Variants in SLC22A23 observed in about 807,000 individuals in gnomAD.
SLC22A23 encodes the protein ion transporter protein.
SLC22A23 carries 26 observed loss-of-function variants against 61.0 expected under a neutral mutation model. The ratio of observed to expected loss-of-function variants is 0.43; its 90% CI spans 0.31 to 0.59. The LOEUF is 0.59. Among genes scored for constraint, SLC22A23 ranks in the 20% least tolerant of loss-of-function variants. SLC22A23 has a pLI of 0.11. For missense variants in SLC22A23, 796 were observed against 934.7 expected, an observed-to-expected ratio of 0.85 and a Z score of 1.94; for synonymous variants, 430 against 413.9, an observed-to-expected ratio of 1.04 and a Z score of -0.47.
chr6:3,451,814 T>C (rs1402681733), intron 1 of SLC22A23, among the ~76,000 whole-genome samples: 2 of 152,194 alleles, frequency 1.3e-5, no homozygotes, highest in East Asian at 3.8e-4. Flanking sequence ...TGAACACAGA[T>C]GGTCCCCGGC....
At chr6:3,370,587 T>C (rs960828495) in intron 3 of SLC22A23, among the ~76,000 whole-genome samples, 1 of 152,266 alleles carries the variant, frequency 6.6e-6, no homozygotes, top group African/African-American at 2.4e-5. Context: ...TGGGAGCTCC[T>C]GGCTCCCCTC....
At chr6:3,393,453 G>A (rs1056754666) in intron 3 of SLC22A23, among the ~76,000 whole-genome samples, 5 of 152,182 alleles carry the variant, frequency 3.3e-5, no homozygotes, top group African/African-American at 9.7e-5. Flanking sequence ...AATAGCACAC[G>A]TGCCTAGTGC....
intron 4 of SLC22A23, among the ~76,000 whole-genome samples, chr6:3,316,075 G>C (rs1004156351): frequency 6.6e-6 from 1 of 152,166 alleles, no homozygotes; most frequent in Admixed American, 6.5e-5. Flanking sequence ...AGCAGGCCTG[G>C]GGCGGGGGCT....
intron 3 of SLC22A23, among the ~76,000 whole-genome samples, chr6:3,394,382 AAC>A (rs1767870906): frequency 6.6e-6 from 1 of 152,220 alleles, no homozygotes; most frequent in East Asian, 1.9e-4. Context: ...GCCCAGGTGA[AAC>A]ACAAGAAAAC....
At position 3,387,859 on chromosome 6, in the gene SLC22A23, G is replaced by A. The variant is rs565218656; in HGVS notation, c.913+22329C>T. ...TTCTCTGAGGGTGAGTGGCAGGAAA[G>A]GAGAAGGCAGGCCGCAGCGAGGATG... On this transcript the variant is annotated intron_variant, in intron 3 of 9. Transcript: ENST00000406686. The surrounding 1 kb of genome is among the most constrained non-coding windows in gnomAD (Gnocchi z 5.0). 6.6e-6 allele frequency among the ~76,000 whole-genome samples: 1 copy of A among 152,294 alleles called. No homozygotes were observed. The highest frequency in any genetic ancestry group is 1.9e-4 in the East Asian group (1 of 5,184).
At chr6:3,283,245 A>T (rs1759644219) in intron 9 of SLC22A23, among the ~76,000 whole-genome samples, 1 of 152,168 alleles carries the variant, frequency 6.6e-6, no homozygotes, top group Non-Finnish European at 1.5e-5. Context: ...CAGCCTGGCC[A>T]ACCAGGTGAA....
At chr6:3,365,103 G>A (rs1052427200) in intron 3 of SLC22A23, among the ~76,000 whole-genome samples, 1 of 152,204 alleles carries the variant, frequency 6.6e-6, no homozygotes, top group Non-Finnish European at 1.5e-5. Context: ...CAGATTACCT[G>A]AGGTCAGGAG....
chr6:3,442,760 CT>C (rs1254504137), intron 1 of SLC22A23, among the ~76,000 whole-genome samples: 1 of 152,028 alleles, frequency 6.6e-6, no homozygotes, highest in Non-Finnish European at 1.5e-5. Context: ...TAAAGCACGA[CT>C]GTTAGCTAGT....
intron 3 of SLC22A23, among the ~76,000 whole-genome samples, chr6:3,403,014 T>C (rs1018202862): frequency 6.6e-6 from 1 of 152,202 alleles, no homozygotes; most frequent in African/African-American, 2.4e-5. Context: ...GAAACAGTTG[T>C]TGACAACAAA....
chr6:3,410,093 C>G lies in SLC22A23; in HGVS notation c.913+95G>C. ...GTGTTTCCACAAAACTGCCAGCCCA[C>G]ACGAGCAGCATGCACAGTATCTTTC... On this transcript the variant is annotated intron_variant, in intron 3 of 9. Coordinates refer to ENST00000406686, the MANE Select transcript of SLC22A23 (RefSeq NM_015482.2). The surrounding 1 kb of genome is among the most constrained non-coding windows in gnomAD (Gnocchi z 5.0). The G allele has an allele frequency of 7.1e-7, 1 of 1,415,184 alleles. No individual in the cohort carries two copies. The highest frequency in any genetic ancestry group is 9.5e-7 in the Non-Finnish European group (1 of 1,056,126). 87.7% of individuals were successfully genotyped at this position (1,415,184 alleles called of 1,614,324 possible).
At chr6:3,379,984 C>T (rs994793459) in intron 3 of SLC22A23, among the ~76,000 whole-genome samples, 1 of 151,888 alleles carries the variant, frequency 6.6e-6, no homozygotes, top group African/African-American at 2.4e-5. Context: ...TGTGCACGTG[C>T]GTGCATCTGT....
intron 1 of SLC22A23, among the ~76,000 whole-genome samples, chr6:3,425,717 T>C (rs1175627256): frequency 6.6e-6 from 1 of 152,200 alleles, no homozygotes; most frequent in Non-Finnish European, 1.5e-5. Context: ...CTAAGCACCC[T>C]GACAGCACAA....
chr6:3,281,086 C>T (rs1759437548), intron 9 of SLC22A23, among the ~76,000 whole-genome samples: 1 of 152,198 alleles, frequency 6.6e-6, no homozygotes, highest in South Asian at 2.1e-4. Flanking sequence ...CCTCGGAGCC[C>T]ACCTGGAGCA....
intron 3 of SLC22A23, among the ~76,000 whole-genome samples, chr6:3,355,321 A>G (rs959093094): frequency 6.6e-6 from 1 of 152,054 alleles, no homozygotes; most frequent in Non-Finnish European, 1.5e-5. Context: ...AAAGACATCG[A>G]CTTATTAGGT....
rs138672381 is a variant in SLC22A23 at position 3,439,857 on chromosome 6, G to A, written c.654+16049C>T. On this transcript the variant is annotated intron_variant, in intron 1 of 9. Coordinates refer to ENST00000406686, the MANE Select transcript of SLC22A23 (RefSeq NM_015482.2). ...GCAACAGGATGGAGGGGTGGACTCT[G>A]GGCTGAAAGAAGAGCATGGGGGAAC... is the stretch of plus-strand genomic sequence containing the variant. Among the ~76,000 whole-genome samples the A allele has an allele frequency of 1.3e-3, 199 of 152,210 alleles. 2 individuals carry two copies. The highest frequency in any genetic ancestry group is 4.5e-3 in the African/African-American group (187 of 41,524).
Position 3,413,139 on chromosome 6 carries a change from G to C in SLC22A23, c.758+2613C>G, listed in dbSNP as rs570712936. Among the ~76,000 whole-genome samples the C allele has an allele frequency of 6.6e-4, 100 of 152,304 alleles. 1 individual carries two copies. Among genetic ancestry groups the C allele is most frequent in the African/African-American group, 2.4e-3 (99 of 41,574 alleles). On this transcript the variant is annotated intron_variant, in intron 2 of 9. Coordinates refer to ENST00000406686, the MANE Select transcript of SLC22A23 (RefSeq NM_015482.2). ...AGTGACTGGAGGAGATGGTAATAAA[G>C]GGATTATTTACAGAAGAGTAAACAA...
intron 9 of SLC22A23, among the ~76,000 whole-genome samples, chr6:3,274,843 TAAATG>T (rs141633023): frequency 1.6e-3 from 242 of 152,030 alleles, no homozygotes; most frequent in Admixed American, 3.3e-3. Flanking sequence ...AAGATAAAAA[TAAATG>T]GAGTGACATT....
chr6:3,273,882 C>CT (rs1418257354), intron 9 of SLC22A23, among the ~76,000 whole-genome samples: 1 of 152,182 alleles, frequency 6.6e-6, no homozygotes, highest in Non-Finnish European at 1.5e-5. Context: ...CGAACAGAGA[C>CT]TTTCTCTTTG....
At chr6:3,432,093 C>T (rs1240126118) in intron 1 of SLC22A23, 2 of 502,200 alleles carry the variant, frequency 4.0e-6, no homozygotes, top group African/African-American at 2.1e-5. Flanking sequence ...GTCATCTCTA[C>T]CTTGGAAATT....
Sources: allele counts gnomAD v4.1 joint callset (sites outside exome capture counted in the v4.1 genomes callset), GRCh38; gene constraint gnomAD v4.1.1; non-coding constraint Gnocchi (gnomAD v3.1); transcripts MANE v1.5; gene names NCBI Gene and HGNC (gene_info 2026-07-23, HGNC 2026-07-21).